The following PARD3 variants were observed in gnomAD, a reference collection of about 807,000 sequenced individuals.
PARD3 encodes par-3 family cell polarity regulator.
Under a neutral mutation model 155.4 loss-of-function variants are expected in PARD3, and 75 were observed. That is an observed-to-expected ratio of 0.48 (90% CI 0.40 to 0.58). The LOEUF (loss-of-function observed/expected upper bound fraction) is 0.58, where lower values mean the gene tolerates loss of function less well. PARD3 is among the 20% of genes least tolerant of loss of function. The probability of loss-of-function intolerance (pLI) is 0.00; values close to 1 mark genes in which losing one functional copy is unlikely to be tolerated. For synonymous variants in PARD3, 576 were observed against 610.5 expected (o/e 0.94, Z 0.83); for missense variants, 1,642 against 1,721.7 (o/e 0.95, Z 0.82).
At chr10:34,178,202 C>G (rs1950120039) in intron 22 of PARD3, among the ~76,000 whole-genome samples, 1 of 152,214 alleles carries the variant, frequency 6.6e-6, no homozygotes. Context: ...TAAGCCTTCT[C>G]TAATAAAATG....
intron 5 of PARD3, among the ~76,000 whole-genome samples, chr10:34,432,377 G>C (rs1032678089): frequency 6.3e-5 from 7 of 111,458 alleles, no homozygotes; most frequent in South Asian, 5.8e-4. Flanking sequence ...CACACACACA[G>C]AGGAGTAAAG....
intron 13 of PARD3, 67 bp downstream of exon 13, chr10:34,360,002 CAA>C (rs1839288226): frequency 1.6e-6 from 2 of 1,234,554 alleles, no homozygotes; most frequent in Non-Finnish European, 2.3e-6. Context: ...TATATGTTTC[CAA>C]AATAGGAACA....
intron 2 of PARD3, among the ~76,000 whole-genome samples, chr10:34,518,318 C>T (rs1182708576): frequency 6.6e-6 from 1 of 152,188 alleles, no homozygotes; most frequent in Non-Finnish European, 1.5e-5. Flanking sequence ...AATGGCATCC[C>T]CAGTGCCACT....
At chr10:34,246,998 G>A (rs1005628885) in intron 22 of PARD3, among the ~76,000 whole-genome samples, 1 of 151,992 alleles carries the variant, frequency 6.6e-6, no homozygotes, top group African/African-American at 2.4e-5. Context: ...GAGGTGGGAG[G>A]ACTGCTGGAG....
chr10:34,353,369 C>T (rs1294082845), intron 14 of PARD3, among the ~76,000 whole-genome samples: 2 of 152,258 alleles, frequency 1.3e-5, no homozygotes, highest in South Asian at 2.1e-4. Flanking sequence ...TGTTCTGTAC[C>T]AAGAAAAATT....
chr10:34,710,715 C>T (rs1231115597), intron 1 of PARD3, among the ~76,000 whole-genome samples: 2 of 152,154 alleles, frequency 1.3e-5, no homozygotes, highest in Non-Finnish European at 2.9e-5. Flanking sequence ...ACTGATAAAC[C>T]CCAAGCACCC....
At chr10:34,710,639 C>A (rs1477780004) in intron 1 of PARD3, among the ~76,000 whole-genome samples, 1 of 152,168 alleles carries the variant, frequency 6.6e-6, no homozygotes, top group African/African-American at 2.4e-5. Context: ...CAAAGCTCAT[C>A]CCAAGCCGGT....
intron 3 of PARD3, among the ~76,000 whole-genome samples, chr10:34,511,301 A>T (rs1589827878): frequency 2.6e-5 from 4 of 152,184 alleles, no homozygotes; most frequent in African/African-American, 9.6e-5. Flanking sequence ...TTTCATCAGG[A>T]GGCATACAAT....
intron 2 of PARD3, among the ~76,000 whole-genome samples, chr10:34,679,641 G>T (rs1017826638): frequency 3.3e-5 from 5 of 152,162 alleles, no homozygotes; most frequent in Non-Finnish European, 7.4e-5. Flanking sequence ...AGTCTGGAAC[G>T]CCACCTCCCA....
chr10:34,353,579 G>A (rs937444775), intron 14 of PARD3, among the ~76,000 whole-genome samples: 3 of 152,094 alleles, frequency 2.0e-5, no homozygotes, highest in East Asian at 1.9e-4. Flanking sequence ...CAAACACTGC[G>A]GAAGGCCGCA....
chr10:34,114,299 G>A (rs1946550508), intron 24 of PARD3, among the ~76,000 whole-genome samples: 1 of 152,122 alleles, frequency 6.6e-6, no homozygotes, highest in South Asian at 2.1e-4. Flanking sequence ...TCAGGACTTA[G>A]GGAGGCATCT....
chr10:34,449,179 AG>A (rs2076921642), intron 5 of PARD3, among the ~76,000 whole-genome samples: 2 of 151,996 alleles, frequency 1.3e-5, no homozygotes, highest in South Asian at 4.2e-4. Flanking sequence ...AGCCTCCCAA[AG>A]TGCTGGGATT....
At chr10:34,680,152 C>T (rs1430418365) in intron 2 of PARD3, among the ~76,000 whole-genome samples, 3 of 152,012 alleles carry the variant, frequency 2.0e-5, no homozygotes, top group Admixed American at 1.3e-4. Flanking sequence ...AGAGAAAGTA[C>T]TGAATACTAT....
intron 22 of PARD3, among the ~76,000 whole-genome samples, chr10:34,161,631 T>C (rs960576758): frequency 5.9e-5 from 9 of 152,156 alleles, no homozygotes; most frequent in African/African-American, 2.2e-4. Context: ...ACCATGACGG[T>C]TGACAATCAC....
At chr10:34,597,881 T>C (rs958985150) in intron 2 of PARD3, among the ~76,000 whole-genome samples, 1 of 152,192 alleles carries the variant, frequency 6.6e-6, no homozygotes, top group Non-Finnish European at 1.5e-5. Context: ...AAATATCTGC[T>C]GTTGAAAGAA....
At position 34,348,005 on chromosome 10, in the gene PARD3, A is replaced by G; in HGVS notation, c.2178T>C (p.Asp726=). Residue 726 remains aspartate, a synonymous_variant, in exon 15 of 25, where the codon GAT becomes GAC. Coordinates refer to ENST00000374788, the MANE Select transcript of PARD3 (RefSeq NM_001184785.2). ...HSLYSGIEGL[D]ESPSRNAALS... ...GGGCAGCATTTCTGCTGGGCGATTC[A>G]TCAAGCCCCTCAATCCCACTGTAGA... The G allele has an allele frequency of 6.2e-7, 1 of 1,613,590 alleles. No individual in the cohort carries two copies. Among genetic ancestry groups the G allele is most frequent in the African/African-American group, 1.3e-5 (1 of 75,034 alleles).
At chr10:34,551,367 T>TA (rs2084541584) in intron 2 of PARD3, among the ~76,000 whole-genome samples, 1 of 152,098 alleles carries the variant, frequency 6.6e-6, no homozygotes, top group South Asian at 2.1e-4. Context: ...CACAACAACT[T>TA]AAAGTCATAT....
intron 1 of PARD3, among the ~76,000 whole-genome samples, chr10:34,738,413 G>A (rs376091442): frequency 1.3e-5 from 2 of 152,224 alleles, no homozygotes; most frequent in African/African-American, 4.8e-5. Context: ...CTGGCCTCAA[G>A]GGATCTTCTC....
chr10:34,520,424 C>T (rs970992443), intron 2 of PARD3, among the ~76,000 whole-genome samples: 2 of 151,988 alleles, frequency 1.3e-5, no homozygotes, highest in African/African-American at 4.8e-5. Context: ...AAAAGAAGTC[C>T]TTAATAGTTA....
Sources: gnomAD v4.1 joint callset for allele counts (sites outside exome capture counted in the v4.1 genomes callset) on GRCh38, gnomAD v4.1.1 for gene constraint, MANE v1.5 for transcripts, NCBI Gene and HGNC (gene_info 2026-07-23, HGNC 2026-07-21) for gene names.